STX8: variants seen among roughly 807,000 people sequenced by gnomAD.
STX8 encodes the protein syntaxin-8.
Under a neutral mutation model 37.5 loss-of-function variants are expected in STX8, and 23 were observed. That is an observed-to-expected ratio of 0.61 (90% CI 0.44 to 0.87). The LOEUF (loss-of-function observed/expected upper bound fraction) is 0.87. Ranked by LOEUF, STX8 falls within the 40% of genes least tolerant of loss-of-function variation. STX8 has a pLI of 0.00. For synonymous variants in STX8, 115 were observed against 99.1 expected (o/e 1.16, Z -0.95); for missense variants, 313 against 284.7 (o/e 1.10, Z -0.71).
intron 7 of STX8, among the ~76,000 whole-genome samples, chr17:9,322,145 G>A (rs1413132783): frequency 7.9e-5 from 12 of 152,214 alleles, no homozygotes; most frequent in Admixed American, 6.5e-5. Context: ...CAAGTCCTCA[G>A]CAGTACCCAG....
At chr17:9,255,837 T>C (rs1002017746) in intron 7 of STX8, among the ~76,000 whole-genome samples, 13 of 152,332 alleles carry the variant, frequency 8.5e-5, no homozygotes, top group Admixed American at 1.3e-4. Context: ...CCAACTGCTG[T>C]CTTTTGGATT....
chr17:9,494,067 G>C (rs1469537474), intron 5 of STX8, among the ~76,000 whole-genome samples: 1 of 151,474 alleles, frequency 6.6e-6, no homozygotes, highest in Non-Finnish European at 1.5e-5. Flanking sequence ...CCAGGCTGGA[G>C]TGCAGTGGCG....
At chr17:9,407,302 T>C (rs988850990) in intron 6 of STX8, among the ~76,000 whole-genome samples, 1 of 152,148 alleles carries the variant, frequency 6.6e-6, no homozygotes, top group African/African-American at 2.4e-5. Context: ...GTGCTGGGAT[T>C]AAAGGCATGA....
intron 6 of STX8, 101 bp from the exon 7 acceptor site, chr17:9,378,754 G>T: frequency 1.2e-6 from 1 of 864,136 alleles, no homozygotes; most frequent in Non-Finnish European, 2.0e-6. Flanking sequence ...GATCTCGAGT[G>T]CAGTAACTGA....
At chr17:9,405,514 T>G (rs1912770852) in intron 6 of STX8, among the ~76,000 whole-genome samples, 1 of 152,198 alleles carries the variant, frequency 6.6e-6, no homozygotes, top group East Asian at 1.9e-4. Flanking sequence ...TGAGCAACTT[T>G]TTGCTTCAAG....
At chr17:9,396,029 A>T (rs1567542647) in intron 6 of STX8, among the ~76,000 whole-genome samples, 1 of 152,218 alleles carries the variant, frequency 6.6e-6, no homozygotes, top group Admixed American at 6.5e-5. Context: ...TAGCCCCTCA[A>T]TGAAAAGTTT....
Position 9,351,935 on chromosome 17 carries a change from G to A in STX8, c.643+26617C>T, listed in dbSNP as rs939979211. Among the ~76,000 whole-genome samples the A allele has an allele frequency of 3.3e-5, 5 of 152,014 alleles. No homozygotes were observed. The East Asian group carries it at 9.6e-4, about 29-fold the overall frequency. On this transcript the variant is annotated intron_variant, in intron 7 of 7. Transcript: ENST00000306357. Reference sequence around the variant, plus strand: ...AGGCCGACTTGGGAGGATCACTTGAGCTCAGGATTTCAAGACCAGCCTGGG... The same window carrying A: ...AGGCCGACTTGGGAGGATCACTTGAACTCAGGATTTCAAGACCAGCCTGGG...
intron 7 of STX8, among the ~76,000 whole-genome samples, chr17:9,360,115 A>G (rs1418332203): frequency 6.6e-6 from 1 of 151,702 alleles, no homozygotes; most frequent in East Asian, 1.9e-4. Flanking sequence ...AAATTACACT[A>G]TTTTAACCTT....
At chr17:9,352,466 CTTTTTT>C (rs745427686) in intron 7 of STX8, among the ~76,000 whole-genome samples, 23 of 88,104 alleles carry the variant, frequency 2.6e-4, no homozygotes, top group Admixed American at 5.2e-4. Flanking sequence ...CTTACTCCCA[CTTTTTT>C]TTTTTTTTTT....
chr17:9,263,267 G>A (rs1428951177), intron 7 of STX8, among the ~76,000 whole-genome samples: 2 of 151,874 alleles, frequency 1.3e-5, no homozygotes, highest in South Asian at 2.1e-4. Context: ...ACCTGAGGTC[G>A]GGAGTTCGAG....
At chr17:9,374,392 T>G (rs1911516758) in intron 7 of STX8, among the ~76,000 whole-genome samples, 1 of 152,154 alleles carries the variant, frequency 6.6e-6, no homozygotes, top group Non-Finnish European at 1.5e-5. Context: ...AAAAGAAATT[T>G]TTTTAAACAG....
At chr17:9,570,993 C>A (rs543148608) in intron 1 of STX8, among the ~76,000 whole-genome samples, 2 of 152,066 alleles carry the variant, frequency 1.3e-5, no homozygotes, top group East Asian at 3.9e-4. Flanking sequence ...CATTTGGCTG[C>A]GTGGTGGCCC....
intron 6 of STX8, among the ~76,000 whole-genome samples, chr17:9,408,834 A>G (rs1478107842): frequency 1.3e-5 from 2 of 152,140 alleles, no homozygotes; most frequent in Non-Finnish European, 2.9e-5. Flanking sequence ...TCTTCCAGAA[A>G]AGTCTACGTG....
chr17:9,472,135 G>T (rs1228069587), intron 6 of STX8, among the ~76,000 whole-genome samples: 2 of 149,334 alleles, frequency 1.3e-5, no homozygotes, highest in Non-Finnish European at 2.9e-5. Context: ...GCCTGAGGCT[G>T]CTCCACTAAG....
chr17:9,385,780 G>C (rs972208995), intron 6 of STX8, among the ~76,000 whole-genome samples: 5 of 151,932 alleles, frequency 3.3e-5, no homozygotes, highest in Admixed American at 3.3e-4. Context: ...TTTGTTTTTT[G>C]TTTTTTGAGG....
chr17:9,400,260 G>A (rs1297786274), intron 6 of STX8, among the ~76,000 whole-genome samples: 1 of 151,422 alleles, frequency 6.6e-6, no homozygotes, highest in East Asian at 1.9e-4. Context: ...CCGCCACCAC[G>A]CTCAGCTAAT....
intron 6 of STX8, among the ~76,000 whole-genome samples, chr17:9,411,412 T>C (rs556219114): frequency 1.1e-4 from 17 of 152,326 alleles, no homozygotes; most frequent in African/African-American, 4.1e-4. Context: ...GCCTTTGTTG[T>C]AGCATGAAGA....
rs557379082 is a variant in STX8, at chr17:9,412,013, T to C, written c.542-33360A>G. 1.1e-3 allele frequency among the ~76,000 whole-genome samples: 162 copies of C among 152,178 alleles called. 2 individuals are homozygous for C. Among genetic ancestry groups the C allele is most frequent in the African/African-American group, 3.8e-3 (157 of 41,508 alleles). On this transcript the variant is annotated intron_variant, in intron 6 of 7. Transcript: ENST00000306357. ...AATACAAGTACATGGAACTCAAAAG[T>C]CTCAAAAGTTAAATATCTTTGTCAT...
At chr17:9,290,760 C>T (rs556325487) in intron 7 of STX8, among the ~76,000 whole-genome samples, 24 of 152,290 alleles carry the variant, frequency 1.6e-4, no homozygotes, top group African/African-American at 5.3e-4. Flanking sequence ...TACCTGTAGA[C>T]AAATGCCCTG....
Sources: gnomAD v4.1 joint callset for allele counts (sites outside exome capture counted in the v4.1 genomes callset) on GRCh38, gnomAD v4.1.1 for gene constraint, MANE v1.5 for transcripts, NCBI Gene and HGNC (gene_info 2026-07-23, HGNC 2026-07-21) for gene names.